The following TESC variants were observed in gnomAD, a reference collection of about 807,000 sequenced individuals.
The protein encoded by TESC is calcineurin B homologous protein 3.
A neutral mutation model predicts 31.0 loss-of-function variants in TESC; 19 were observed. The ratio of observed to expected loss-of-function variants is 0.61; its 90% confidence interval spans 0.43 to 0.90. The LOEUF (loss-of-function observed/expected upper bound fraction) is 0.90. Among genes scored for constraint, TESC ranks in the 40% least tolerant of loss-of-function variants. TESC has a pLI of 0.00. For missense variants in TESC, 248 were observed against 303.8 expected (o/e 0.82, Z 1.36); for synonymous variants, 109 against 114.8 (o/e 0.95, Z 0.32).
chr12:117,083,865 G>A (rs1955181424), intron 1 of TESC: 1 of 152,194 alleles, frequency 6.6e-6, no homozygotes, highest in African/African-American at 2.4e-5. Context: ...GGGAGGCTGA[G>A]GCGGGTAGAT....
At chr12:117,075,853 A>G (rs1468593181) in intron 1 of TESC, among the ~76,000 whole-genome samples, 1,121 of 46,358 alleles carry the variant, frequency 0.024, 90 homozygotes, top group African/African-American at 0.096. Flanking sequence ...GTGTGTATAT[A>G]TATATATATA....
chr12:117,074,672 G>T (rs569248136), intron 2 of TESC, among the ~76,000 whole-genome samples: 2 of 152,282 alleles, frequency 1.3e-5, no homozygotes, highest in Non-Finnish European at 2.9e-5. Context: ...GATTTAACAG[G>T]ACCTCCATAT....
At chr12:117,070,046 G>T (rs994844793) in intron 2 of TESC, among the ~76,000 whole-genome samples, 1 of 152,186 alleles carries the variant, frequency 6.6e-6, no homozygotes, top group African/African-American at 2.4e-5. Flanking sequence ...CCCAATCAAC[G>T]CCATTTTCAT....
chr12:117,081,693 C>T (rs540708882), intron 1 of TESC, among the ~76,000 whole-genome samples: 2 of 152,014 alleles, frequency 1.3e-5, no homozygotes, highest in Non-Finnish European at 2.9e-5. Context: ...CACCTGAGGT[C>T]AGGAGTTTGA....
chr12:117,082,134 G>A (rs1955157279), intron 1 of TESC, among the ~76,000 whole-genome samples: 1 of 152,072 alleles, frequency 6.6e-6, no homozygotes, highest in Non-Finnish European at 1.5e-5. Flanking sequence ...ACTTAAGCCT[G>A]GGAAGTTGAG....
intron 1 of TESC, among the ~76,000 whole-genome samples, chr12:117,081,381 G>A (rs1168319491): frequency 6.6e-6 from 1 of 152,036 alleles, no homozygotes; most frequent in African/African-American, 2.4e-5. Context: ...TTCTTTACTT[G>A]TCTTAATGTG....
chr12:117,063,187 C>T (rs1044570404), intron 2 of TESC, among the ~76,000 whole-genome samples: 5 of 152,178 alleles, frequency 3.3e-5, no homozygotes, highest in Admixed American at 6.5e-5. Context: ...AGAGACTAAG[C>T]CCCAGTCACA....
chr12:117,040,135 C>T (rs907471903), intron 7 of TESC, among the ~76,000 whole-genome samples: 37 of 152,218 alleles, frequency 2.4e-4, no homozygotes, highest in Non-Finnish European at 3.5e-4. Flanking sequence ...GGCACCCAGG[C>T]GACAGGGAGG....
intron 6 of TESC, among the ~76,000 whole-genome samples, chr12:117,045,899 G>A (rs1318747280): frequency 1.3e-5 from 2 of 152,216 alleles, no homozygotes; most frequent in Non-Finnish European, 1.5e-5. Flanking sequence ...GGGGGCTGGT[G>A]GGGCTGCACC....
chr12:117,045,148 C>T (rs1181764728), intron 6 of TESC, among the ~76,000 whole-genome samples: 2 of 152,190 alleles, frequency 1.3e-5, no homozygotes, highest in Non-Finnish European at 2.9e-5. Flanking sequence ...TAGGAGCACC[C>T]GGAGGACCCA....
chr12:117,044,907 GA>G (rs1229880820), intron 6 of TESC, among the ~76,000 whole-genome samples: 2 of 128,812 alleles, frequency 1.6e-5, no homozygotes, highest in East Asian at 2.4e-4. Context: ...GGGAAAAAAA[GA>G]AAAAAAAGAG....
intron 3 of TESC, among the ~76,000 whole-genome samples, chr12:117,050,141 A>C (rs1954627299): frequency 6.7e-6 from 1 of 149,062 alleles, no homozygotes; most frequent in East Asian, 1.9e-4. Context: ...ATGCTTGCCA[A>C]AAAAAAAAAA....
chr12:117,099,140 C>T lies in TESC; in HGVS notation c.58+85G>A, dbSNP rs1955437422. The T allele has an allele frequency of 1.4e-5, 20 of 1,389,686 alleles. No individual in the cohort carries two copies. In the South Asian group the frequency reaches 2.6e-4, roughly 18 times the overall value. The allele number at this position is 1,389,686 out of a possible 1,614,324, so 86.1% of individuals were successfully genotyped here. On this transcript the variant is annotated intron_variant, in intron 1 of 7. Transcript: ENST00000335209. ...GGCCCGCCACTGGCCCAAGGTCACA[C>T]AGCGCGGCGGCGGGCCGGGGTCCCC...
At chr12:117,055,821 G>A (rs1474514064) in intron 3 of TESC, among the ~76,000 whole-genome samples, 1 of 152,112 alleles carries the variant, frequency 6.6e-6, no homozygotes. Flanking sequence ...AAGCTCATGA[G>A]GCTTTGAGAC....
chr12:117,085,726 G>A (rs1955211557), intron 1 of TESC, among the ~76,000 whole-genome samples: 1 of 152,202 alleles, frequency 6.6e-6, no homozygotes, highest in Non-Finnish European at 1.5e-5. Context: ...GCTCCTGACA[G>A]TGCTGCCGGG....
chr12:117,049,036 C>A lies in TESC; in HGVS notation c.332G>T (p.Arg111Leu). 1 of 1,614,176 alleles carries A rather than the reference C, an allele frequency of 6.2e-7. No individual in the cohort carries two copies. Among genetic ancestry groups the A allele is most frequent in the South Asian group, 1.1e-5 (1 of 91,084 alleles). The part of the protein sequence containing the change: ...TMDEEQVELS[R>L]KEKLRFLFHM... ...GCACGCACATCTCAGCTTCTCCTTC[C>A]GGGACAGCTCCACCTGTTCCTCGTC... is the stretch of plus-strand genomic sequence containing the variant. Residue 111 changes from arginine (R) to leucine (L), a missense_variant, in exon 4 of 8, where the codon CGG (arginine) becomes CTG (leucine). By Grantham distance (102) the Arg-to-Leu change is moderately radical. Transcript: ENST00000335209.
At chr12:117,044,804 G>T (rs1954532977) in intron 6 of TESC, among the ~76,000 whole-genome samples, 1 of 152,178 alleles carries the variant, frequency 6.6e-6, no homozygotes, top group South Asian at 2.1e-4. Flanking sequence ...GGCTGAGGCA[G>T]GAGAATCACT....
At chr12:117,070,925 C>T (rs1458808239) in intron 2 of TESC, among the ~76,000 whole-genome samples, 4 of 152,030 alleles carry the variant, frequency 2.6e-5, no homozygotes, top group Non-Finnish European at 4.4e-5. Flanking sequence ...GAGCCAAGAT[C>T]GCACCACTGC....
intron 3 of TESC, among the ~76,000 whole-genome samples, chr12:117,052,658 A>G (rs961745763): frequency 2.0e-5 from 3 of 152,142 alleles, no homozygotes; most frequent in Non-Finnish European, 4.4e-5. Flanking sequence ...AGCTCAGCCC[A>G]GGAGATCCCT....
Sources: gnomAD v4.1 joint callset for allele counts (sites outside exome capture counted in the v4.1 genomes callset) on GRCh38, gnomAD v4.1.1 for gene constraint, MANE v1.5 for transcripts, NCBI Gene and HGNC (gene_info 2026-07-23, HGNC 2026-07-21) for gene names.